The following RBMS3 variants were observed in gnomAD, a reference collection of about 807,000 sequenced individuals.
The protein encoded by RBMS3 is RNA-binding motif, single-stranded-interacting protein 3.
In RBMS3, 27 loss-of-function variants were observed where a neutral mutation model predicts 66.8. The observed-to-expected ratio is 0.40, with a 90% CI of 0.30 to 0.56. RBMS3 has a LOEUF of 0.56. Ranked by LOEUF, RBMS3 falls within the 20% of genes least tolerant of loss-of-function variation. RBMS3 has a pLI of 0.40. For missense variants in RBMS3, 513 were observed against 549.5 expected (o/e 0.93, Z 0.66); for synonymous variants, 188 against 183.0 (o/e 1.03, Z -0.22).
At chr3:29,962,367 G>A (rs1382288117) in intron 12 of RBMS3, among the ~76,000 whole-genome samples, 1 of 151,706 alleles carries the variant, frequency 6.6e-6, no homozygotes, top group Non-Finnish European at 1.5e-5. Context: ...GAATTCTAGA[G>A]GTCTAAAACC....
chr3:29,540,227 A>C (rs1003978345), intron 3 of RBMS3, among the ~76,000 whole-genome samples: 1 of 152,346 alleles, frequency 6.6e-6, no homozygotes, highest in African/African-American at 2.4e-5. Flanking sequence ...CAAAACAGTA[A>C]TAAGTGCTTC....
chr3:29,355,555 C>CAA (rs761034684), intron 1 of RBMS3, among the ~76,000 whole-genome samples: 10,580 of 146,140 alleles, frequency 0.072, 427 homozygotes, highest in African/African-American at 0.12. Flanking sequence ...ATATATACAG[C>CAA]AAGAAAAAAA....
intron 6 of RBMS3, among the ~76,000 whole-genome samples, chr3:29,787,930 T>C (rs1375020881): frequency 6.6e-6 from 1 of 152,216 alleles, no homozygotes; most frequent in Non-Finnish European, 1.5e-5. Context: ...ATTCTTCTAA[T>C]GTACATTTGA....
At chr3:29,494,689 A>G (rs541894680) in intron 3 of RBMS3, among the ~76,000 whole-genome samples, 1 of 152,320 alleles carries the variant, frequency 6.6e-6, no homozygotes, top group East Asian at 1.9e-4. Context: ...AAAGTCAGGG[A>G]AAATTAAATG....
intron 1 of RBMS3, among the ~76,000 whole-genome samples, chr3:29,293,724 C>A (rs187000133): frequency 4.0e-5 from 6 of 149,726 alleles, no homozygotes; most frequent in African/African-American, 1.2e-4. Context: ...TTTTTTTTTT[C>A]TTTGTTGTAG....
chr3:29,723,899 G>T (rs1440526), intron 4 of RBMS3, among the ~76,000 whole-genome samples: 1 of 151,746 alleles, frequency 6.6e-6, no homozygotes, highest in Non-Finnish European at 1.5e-5. Flanking sequence ...CTGAATAATA[G>T]CATTTATTTT....
intron 1 of RBMS3, among the ~76,000 whole-genome samples, chr3:29,432,756 T>C (rs1037826076): frequency 1.3e-5 from 2 of 152,134 alleles, no homozygotes; most frequent in African/African-American, 4.8e-5. Flanking sequence ...CAGAGTGTTG[T>C]AGGATGATAC....
intron 1 of RBMS3, among the ~76,000 whole-genome samples, chr3:29,418,681 AATAAGGAC>A (rs1022790874): frequency 1.3e-5 from 2 of 152,154 alleles, no homozygotes; most frequent in Non-Finnish European, 2.9e-5. Context: ...CCTCTGCTGA[AATAAGGAC>A]ATAACTCTAG....
chr3:29,564,418 G>A (rs552239518), intron 3 of RBMS3, among the ~76,000 whole-genome samples: 95 of 151,882 alleles, frequency 6.3e-4, no homozygotes, highest in African/African-American at 2.2e-3. Context: ...CCTGGAAGGT[G>A]GAGGTTGCAG....
chr3:29,865,142 C>G (rs1354918678), intron 6 of RBMS3, among the ~76,000 whole-genome samples: 2 of 124,956 alleles, frequency 1.6e-5, no homozygotes, highest in Non-Finnish European at 3.2e-5. Flanking sequence ...GGAAATTTGC[C>G]TAGTATTTTG....
intron 6 of RBMS3, among the ~76,000 whole-genome samples, chr3:29,840,711 C>T (rs1022976002): frequency 6.6e-6 from 1 of 152,000 alleles, no homozygotes; most frequent in Admixed American, 6.6e-5. Context: ...TGTACCTAGA[C>T]AGCATTCCAT....
intron 6 of RBMS3, among the ~76,000 whole-genome samples, chr3:29,864,793 G>A (rs201466694): frequency 6.9e-6 from 1 of 145,402 alleles, no homozygotes; most frequent in African/African-American, 2.6e-5. Flanking sequence ...AGAAAAATGA[G>A]TCACAGAAAT....
intron 6 of RBMS3, among the ~76,000 whole-genome samples, chr3:29,809,644 A>T (rs180893233): frequency 3.0e-4 from 45 of 151,950 alleles, no homozygotes; most frequent in African/African-American, 1.0e-3. Context: ...CAGAGCTTAC[A>T]TCTTTTGCTC....
At chr3:29,415,815 G>A (rs1197543350) in intron 1 of RBMS3, among the ~76,000 whole-genome samples, 2 of 151,990 alleles carry the variant, frequency 1.3e-5, no homozygotes, top group Non-Finnish European at 2.9e-5. Context: ...TAAATTATCA[G>A]TATACTGTAT....
intron 1 of RBMS3, among the ~76,000 whole-genome samples, chr3:29,285,064 C>A (rs1310867930): frequency 1.3e-5 from 2 of 148,722 alleles, no homozygotes; most frequent in African/African-American, 4.9e-5. Context: ...AAAAAGGGCT[C>A]AAAAAATAGT....
At chr3:29,685,954 A>C (rs2051713884) in intron 4 of RBMS3, among the ~76,000 whole-genome samples, 1 of 152,172 alleles carries the variant, frequency 6.6e-6, no homozygotes, top group Admixed American at 6.5e-5. Flanking sequence ...TTTACCAACA[A>C]GTCTTCCAAA....
At chr3:29,586,063 C>A (rs2047509838) in intron 3 of RBMS3, among the ~76,000 whole-genome samples, 1 of 152,026 alleles carries the variant, frequency 6.6e-6, no homozygotes, top group Non-Finnish European at 1.5e-5. Flanking sequence ...AGTAGGTTTG[C>A]TTCAGTGGCT....
chr3:29,841,796 T>A (rs1245965511), intron 6 of RBMS3, among the ~76,000 whole-genome samples: 2 of 152,106 alleles, frequency 1.3e-5, no homozygotes, highest in Non-Finnish European at 2.9e-5. Context: ...TCAAAATAGA[T>A]GAATTCTAAA....
chr3:29,477,660 A>T (rs1275603116), intron 2 of RBMS3, among the ~76,000 whole-genome samples: 1 of 151,644 alleles, frequency 6.6e-6, no homozygotes, highest in African/African-American at 2.4e-5. Flanking sequence ...TCATAACCAC[A>T]ATTAAAATTA....
Sources: allele counts gnomAD v4.1 joint callset (sites outside exome capture counted in the v4.1 genomes callset), GRCh38; gene constraint gnomAD v4.1.1; transcripts MANE v1.5; gene names NCBI Gene and HGNC (gene_info 2026-07-23, HGNC 2026-07-21).